TBC1D1: variants seen among roughly 807,000 people sequenced by gnomAD.
The protein encoded by TBC1D1 is TBC1 domain family member 1.
A neutral mutation model predicts 125.6 loss-of-function variants in TBC1D1; 89 were observed. The observed-to-expected ratio is 0.71, with a 90% CI of 0.60 to 0.85. The LOEUF is 0.85. Among genes scored for constraint, TBC1D1 ranks in the 40% least tolerant of loss-of-function variants. The pLI is 0.00. For missense variants in TBC1D1, 1,377 were observed against 1,469.2 expected, an observed-to-expected ratio of 0.94 and a Z score of 1.03; for synonymous variants, 565 against 564.1, an observed-to-expected ratio of 1.00 and a Z score of -0.02.
In TBC1D1 at chr4:38,018,360, C is replaced by T; in HGVS notation, c.889C>T (p.Gln297Ter). Residue 297 changes from glutamine (Q) to a stop codon, truncating the protein, a stop_gained, in exon 4 of 20, where the codon CAG becomes TAG. Transcript: ENST00000261439. LOFTEE classifies it high-confidence loss of function. Reference sequence around the variant, plus strand: ...TTTTTGTTTGTCTTTTAAGATTGGCCAGTCTGAAGTTTACCTCATCAGTCC... The same window carrying T: ...TTTTTGTTTGTCTTTTAAGATTGGCTAGTCTGAAGTTTACCTCATCAGTCC... 6.2e-7 allele frequency: 1 copy of T among 1,606,544 alleles called. No homozygotes were observed. The highest frequency in any genetic ancestry group is 1.1e-5 in the South Asian group (1 of 89,256).
At chr4:37,945,505 T>C (rs572364709) in intron 2 of TBC1D1, among the ~76,000 whole-genome samples, 3 of 84,124 alleles carry the variant, frequency 3.6e-5, no homozygotes, top group East Asian at 1.1e-3. Flanking sequence ...AGAGAGAGAC[T>C]CCACCTCAAA....
chr4:37,948,521 A>C (rs966399421), intron 2 of TBC1D1, among the ~76,000 whole-genome samples: 1 of 151,776 alleles, frequency 6.6e-6, no homozygotes, highest in Admixed American at 6.6e-5. Context: ...CAGCTACTCC[A>C]CAGGCTGAGG....
chr4:37,929,550 C>A (rs1348210286), intron 2 of TBC1D1, among the ~76,000 whole-genome samples: 1 of 152,204 alleles, frequency 6.6e-6, no homozygotes, highest in African/African-American at 2.4e-5. Context: ...ACTTTAGAAG[C>A]ACTGACCTAT....
chr4:37,962,737 T>C (rs2152334180), intron 2 of TBC1D1, among the ~76,000 whole-genome samples: 1 of 152,342 alleles, frequency 6.6e-6, no homozygotes, highest in African/African-American at 2.4e-5. Context: ...AGTTATGATA[T>C]TTTTTATTCT....
intron 10 of TBC1D1, 71 bp downstream of exon 10, chr4:38,045,974 A>T: frequency 7.6e-7 from 1 of 1,318,538 alleles, no homozygotes; most frequent in Non-Finnish European, 1.1e-6. Flanking sequence ...TCCTGTCTAC[A>T]TACCTCCAAT....
intron 2 of TBC1D1, among the ~76,000 whole-genome samples, chr4:38,012,937 G>C (rs540660003): frequency 6.6e-6 from 1 of 152,238 alleles, no homozygotes; most frequent in Admixed American, 6.5e-5. Flanking sequence ...GGGATTACAG[G>C]CACCTGCCAC....
At chr4:37,956,303 G>A (rs1728921654) in intron 2 of TBC1D1, among the ~76,000 whole-genome samples, 2 of 152,108 alleles carry the variant, frequency 1.3e-5, no homozygotes, top group African/African-American at 2.4e-5. Flanking sequence ...ACAGGCATGA[G>A]CCACCACACC....
rs1399017818 is a variant in TBC1D1, at chr4:38,096,174, C to T, written c.2398+84C>T. 3 of 1,185,632 alleles carry T rather than the reference C, an allele frequency of 2.5e-6. No homozygotes were observed. In the East Asian group the frequency reaches 7.1e-5, roughly 28 times the overall value. 73.4% of individuals were successfully genotyped at this position (1,185,632 alleles called of 1,614,324 possible). On this transcript the variant is annotated intron_variant, in intron 14 of 19. Coordinates refer to ENST00000261439, the MANE Select transcript of TBC1D1 (RefSeq NM_015173.4). ...GTGTGGAATTAAAAAAAAGTCAAGT[C>T]TAATTTTAGTGGCCATCTCCCTTCT... is the stretch of plus-strand genomic sequence containing the variant.
chr4:37,912,216 G>A (rs563947771), intron 2 of TBC1D1, among the ~76,000 whole-genome samples: 16 of 152,244 alleles, frequency 1.1e-4, no homozygotes, highest in Middle Eastern at 3.4e-3. Flanking sequence ...GCTGTTCATC[G>A]TAGATGTATC....
chr4:38,135,430 G>A (rs905430729), intron 19 of TBC1D1, among the ~76,000 whole-genome samples: 1 of 152,202 alleles, frequency 6.6e-6, no homozygotes, highest in African/African-American at 2.4e-5. Context: ...CAGGTGCTGT[G>A]GGAGACAGGA....
chr4:37,999,242 C>T (rs543801814), intron 2 of TBC1D1, among the ~76,000 whole-genome samples: 24 of 152,016 alleles, frequency 1.6e-4, no homozygotes, highest in African/African-American at 5.5e-4. Context: ...AGTGAGACTC[C>T]GTCTCAAAAC....
At chr4:38,004,390 A>G (rs562554164) in intron 2 of TBC1D1, among the ~76,000 whole-genome samples, 3 of 152,340 alleles carry the variant, frequency 2.0e-5, no homozygotes, top group Middle Eastern at 3.4e-3. Context: ...CTGAAATGCA[A>G]TTAGCAGTCC....
chr4:37,981,196 G>A (rs573002214), intron 2 of TBC1D1, among the ~76,000 whole-genome samples: 50 of 152,222 alleles, frequency 3.3e-4, no homozygotes, highest in South Asian at 2.3e-3. Context: ...GCCCACCTCC[G>A]CCTCCCAAAG....
At chr4:38,058,576 C>G (rs1254095328) in intron 12 of TBC1D1, among the ~76,000 whole-genome samples, 1 of 152,178 alleles carries the variant, frequency 6.6e-6, no homozygotes, top group Non-Finnish European at 1.5e-5. Context: ...CCTTTTAACA[C>G]CTATTTCAGG....
chr4:38,021,284 C>T (rs1259097078), intron 5 of TBC1D1, among the ~76,000 whole-genome samples: 1 of 152,156 alleles, frequency 6.6e-6, no homozygotes, highest in African/African-American at 2.4e-5. Context: ...CAATTACCTC[C>T]CACTGGGTCC....
At chr4:38,034,927 C>T (rs1413818069) in intron 7 of TBC1D1, among the ~76,000 whole-genome samples, 3 of 152,190 alleles carry the variant, frequency 2.0e-5, no homozygotes, top group African/African-American at 7.2e-5. Context: ...GCACCATCCT[C>T]ACTTCAGCAG....
intron 2 of TBC1D1, among the ~76,000 whole-genome samples, chr4:37,956,032 C>CT (rs61539790): frequency 1.1e-3 from 159 of 144,516 alleles, no homozygotes; most frequent in Middle Eastern, 0.01. Context: ...TTCAAATAAA[C>CT]TTTTTTTTTT....
chr4:38,024,972 A>G lies in TBC1D1; in HGVS notation c.1211-2816A>G, dbSNP rs1042267404. On this transcript the variant is annotated intron_variant, in intron 6 of 19. Coordinates refer to ENST00000261439, the MANE Select transcript of TBC1D1 (RefSeq NM_015173.4). ...TGTTGATTAGCTGCACTCTGCTCTA[A>G]TTGCAACATATCAGAAGTGCAGCTC... is the stretch of plus-strand genomic sequence containing the variant. Among the ~76,000 whole-genome samples, 5 of 152,332 alleles carry G rather than the reference A, an allele frequency of 3.3e-5. No homozygotes were observed. In the East Asian group the frequency reaches 7.7e-4, roughly 23 times the overall value.
At chr4:37,922,120 A>T (rs1158846471) in intron 2 of TBC1D1, among the ~76,000 whole-genome samples, 1 of 152,126 alleles carries the variant, frequency 6.6e-6, no homozygotes. Context: ...GTCTGCTGAC[A>T]TTAAAAATAA....
Sources: gnomAD v4.1 joint callset for allele counts (sites outside exome capture counted in the v4.1 genomes callset) on GRCh38, gnomAD v4.1.1 for gene constraint, MANE v1.5 for transcripts, NCBI Gene and HGNC (gene_info 2026-07-23, HGNC 2026-07-21) for gene names.